ANK3: variants seen among roughly 807,000 people sequenced by gnomAD.
The protein encoded by ANK3 is ankyrin-3.
In ANK3, 57 loss-of-function variants were observed where a neutral mutation model predicts 370.9. The observed-to-expected ratio is 0.15, with a 90% CI of 0.12 to 0.19. The LOEUF is 0.19. Among genes scored for constraint, ANK3 ranks in the 10% least tolerant of loss-of-function variants. The probability of loss-of-function intolerance (pLI) is 1.00; values close to 1 mark genes in which losing one functional copy is unlikely to be tolerated. For synonymous variants in ANK3, 1,929 were observed against 1,946.3 expected, an observed-to-expected ratio of 0.99 and a Z score of 0.23; for missense variants, 4,439 against 5,302.1, an observed-to-expected ratio of 0.84 and a Z score of 5.06.
chr10:60,384,451 C>T (rs1017817752), intron 1 of ANK3, among the ~76,000 whole-genome samples: 1 of 152,112 alleles, frequency 6.6e-6, no homozygotes, highest in Non-Finnish European at 1.5e-5. Context: ...TGAAACAAGC[C>T]CACTTTGATG....
chr10:60,622,760 A>G (rs1348704492), intron 1 of ANK3, among the ~76,000 whole-genome samples: 61 of 152,196 alleles, frequency 4.0e-4, no homozygotes, highest in Non-Finnish European at 2.9e-5. Flanking sequence ...TTAAAATGAG[A>G]GAGAGGAGAG....
chr10:60,614,436 A>T (rs2078241347), intron 2 of ANK3, among the ~76,000 whole-genome samples: 3 of 152,212 alleles, frequency 2.0e-5, no homozygotes, highest in Admixed American at 6.5e-5. Flanking sequence ...TATATGAAGA[A>T]AATGAAGCAA....
rs185835682 is a variant in ANK3, at chr10:60,176,810, C to A, written c.2185-3624G>T. On this transcript the variant is annotated intron_variant, in intron 18 of 43. Transcript: ENST00000280772. ...AACAAAAACAAACAAACAAAAAAAA[C>A]CAAGTAATTTTGCTAACCATTTTTC... 6.1e-3 allele frequency among the ~76,000 whole-genome samples: 923 copies of A among 151,916 alleles called. 8 individuals are homozygous for A. The highest frequency in any genetic ancestry group is 9.1e-3 in the Non-Finnish European group (618 of 67,866).
intron 28 of ANK3, among the ~76,000 whole-genome samples, chr10:60,096,462 C>G (rs1048594027): frequency 6.6e-6 from 1 of 152,212 alleles, no homozygotes; most frequent in South Asian, 2.1e-4. Flanking sequence ...ACATTCACAT[C>G]TGCAGAGTTC....
intron 23 of ANK3, among the ~76,000 whole-genome samples, chr10:60,166,049 T>C (rs936467792): frequency 3.9e-5 from 6 of 152,148 alleles, no homozygotes; most frequent in African/African-American, 1.4e-4. Flanking sequence ...AAAGTATAGC[T>C]ACAATAATAT....
At chr10:60,374,127 C>T (rs1389418883) in intron 1 of ANK3, among the ~76,000 whole-genome samples, 1 of 151,756 alleles carries the variant, frequency 6.6e-6, no homozygotes, top group Non-Finnish European at 1.5e-5. Flanking sequence ...CTGTGTCCTG[C>T]AGTAGGAGCA....
intron 7 of ANK3, among the ~76,000 whole-genome samples, chr10:60,242,390 A>C (rs955451278): frequency 1.3e-5 from 2 of 152,240 alleles, no homozygotes; most frequent in African/African-American, 2.4e-5. Context: ...TTAAAAGGTC[A>C]TCTAACTCCA....
Position 60,170,748 on chromosome 10 carries a change from C to T in ANK3, c.2478+1560G>A, listed in dbSNP as rs540080906. 2.6e-5 allele frequency among the ~76,000 whole-genome samples: 4 copies of T among 152,282 alleles called. No individual in the cohort carries two copies. The East Asian group carries it at 7.7e-4, about 29-fold the overall frequency. On this transcript the variant is annotated intron_variant, in intron 21 of 43. Transcript: ENST00000280772. ...AACCTGATGGAGCTCTGAGACCCTTCTCTGTCTTTCAGTTGATTTTTTGAA... is the reference window on the plus strand; with the variant it reads ...AACCTGATGGAGCTCTGAGACCCTTTTCTGTCTTTCAGTTGATTTTTTGAA...
chr10:60,079,122 G>T (rs2084501893), intron 36 of ANK3, among the ~76,000 whole-genome samples: 1 of 142,986 alleles, frequency 7.0e-6, no homozygotes, highest in South Asian at 2.3e-4. Flanking sequence ...GTATTCCAAA[G>T]AAAACTTCCC....
intron 1 of ANK3, among the ~76,000 whole-genome samples, chr10:60,650,699 G>A (rs1436381455): frequency 6.6e-6 from 1 of 152,184 alleles, no homozygotes; most frequent in South Asian, 2.1e-4. Flanking sequence ...ACCCCAGGAG[G>A]CTGTTTGCAG....
intron 1 of ANK3, among the ~76,000 whole-genome samples, chr10:60,315,504 A>G (rs1165297941): frequency 6.6e-6 from 1 of 152,158 alleles, no homozygotes; most frequent in Non-Finnish European, 1.5e-5. Flanking sequence ...TCAACTAAAA[A>G]GTAAAAACGG....
At chr10:60,253,567 G>A (rs1442415346) in intron 7 of ANK3, among the ~76,000 whole-genome samples, 1 of 152,208 alleles carries the variant, frequency 6.6e-6, no homozygotes, top group East Asian at 1.9e-4. Context: ...AATTATAAGA[G>A]CAAATCTATG....
At chr10:60,110,606 A>G (rs1016657888) in intron 26 of ANK3, among the ~76,000 whole-genome samples, 2 of 152,148 alleles carry the variant, frequency 1.3e-5, no homozygotes, top group African/African-American at 4.8e-5. Context: ...ATTGTTACCA[A>G]TGCTAAAAGA....
intron 2 of ANK3, among the ~76,000 whole-genome samples, chr10:60,558,347 C>T (rs1038084563): frequency 6.6e-6 from 1 of 152,154 alleles, no homozygotes. Flanking sequence ...ATTGTAACAA[C>T]TTGAAGTAGG....
At chr10:60,717,086 T>C (rs1013985462) in intron 1 of ANK3, among the ~76,000 whole-genome samples, 1 of 152,170 alleles carries the variant, frequency 6.6e-6, no homozygotes, top group African/African-American at 2.4e-5. Context: ...TACTTTTACA[T>C]TGACCAAAAG....
chr10:60,583,209 A>C (rs949365042), intron 2 of ANK3, among the ~76,000 whole-genome samples: 2 of 152,200 alleles, frequency 1.3e-5, no homozygotes, highest in Admixed American at 6.5e-5. Flanking sequence ...ATTTGCAGCA[A>C]TGTGGATGAA....
chr10:60,093,798 T>C (rs528782908), intron 28 of ANK3, among the ~76,000 whole-genome samples: 1 of 152,298 alleles, frequency 6.6e-6, no homozygotes, highest in East Asian at 1.9e-4. Context: ...GTGGAAATGC[T>C]CAGATTTCTA....
intron 1 of ANK3, among the ~76,000 whole-genome samples, chr10:60,717,460 C>G (rs1220425697): frequency 6.6e-6 from 1 of 152,020 alleles, no homozygotes; most frequent in East Asian, 1.9e-4. Flanking sequence ...GTCCAGTGTG[C>G]CATGTTATTA....
chr10:60,198,176 G>A lies in ANK3; in HGVS notation c.1689+164C>T, dbSNP rs546390267. On this transcript the variant is annotated intron_variant, in intron 14 of 43. Coordinates refer to ENST00000280772, the MANE Select transcript of ANK3 (RefSeq NM_020987.5). The stretch of plus-strand genomic sequence containing the variant: ...AAAAACCCCCCACAAAATACTACCA[G>A]TTACCCTCTCCCACCACAGAGCTTT... Among the ~76,000 whole-genome samples, 16 of 152,286 alleles carry A rather than the reference G, an allele frequency of 1.1e-4. No homozygotes were observed. The South Asian group carries it at 2.3e-3, about 22-fold the overall frequency.
Sources: gnomAD v4.1 joint callset for allele counts (sites outside exome capture counted in the v4.1 genomes callset) on GRCh38, gnomAD v4.1.1 for gene constraint, MANE v1.5 for transcripts, NCBI Gene and HGNC (gene_info 2026-07-23, HGNC 2026-07-21) for gene names.